USP4: variants seen among roughly 807,000 people sequenced by gnomAD.
The protein encoded by USP4 is ubiquitin specific peptidase 4.
USP4 carries 72 observed loss-of-function variants against 118.2 expected under a neutral mutation model. The ratio of observed to expected loss-of-function variants is 0.61; its 90% CI spans 0.50 to 0.74. The LOEUF is 0.74. Ranked by LOEUF, USP4 falls within the 30% of genes least tolerant of loss-of-function variation. USP4 has a pLI of 0.00. For synonymous variants in USP4, 415 were observed against 440.4 expected, an observed-to-expected ratio of 0.94 and a Z score of 0.72; for missense variants, 1,037 against 1,185.7, an observed-to-expected ratio of 0.87 and a Z score of 1.84.
intron 6 of USP4, chr3:49,318,768 G>T (rs1338814148): frequency 7.9e-6 from 2 of 252,820 alleles, no homozygotes; most frequent in African/African-American, 4.6e-5. Flanking sequence ...AAATTAGCCG[G>T]GCGTGGTGGC....
intron 1 of USP4, among the ~76,000 whole-genome samples, chr3:49,337,569 T>C (rs1436349024): frequency 2.6e-5 from 4 of 151,896 alleles, no homozygotes; most frequent in Non-Finnish European, 5.9e-5. Flanking sequence ...GCTGTGACTA[T>C]AGGCACATAC....
intron 19 of USP4, 42 bp downstream of exon 19, chr3:49,283,945 C>T (rs761575512): frequency 2.5e-6 from 4 of 1,604,704 alleles, no homozygotes; most frequent in Non-Finnish European, 2.6e-6. Flanking sequence ...GATTTTCTGC[C>T]TGTTTTTAAA....
At chr3:49,301,479 G>A (rs2047262324) in intron 10 of USP4, among the ~76,000 whole-genome samples, 1 of 152,102 alleles carries the variant, frequency 6.6e-6, no homozygotes, top group Non-Finnish European at 1.5e-5. Context: ...CCAGAGGTCA[G>A]GAGTTCAATA....
At chr3:49,293,121 T>C (rs980675149) in intron 14 of USP4, among the ~76,000 whole-genome samples, 1 of 151,976 alleles carries the variant, frequency 6.6e-6, no homozygotes, top group Non-Finnish European at 1.5e-5. Context: ...CTCACACCTG[T>C]AATGCCGGCA....
At chr3:49,321,164 G>C (rs182107172) in intron 6 of USP4, among the ~76,000 whole-genome samples, 61 of 152,248 alleles carry the variant, frequency 4.0e-4, no homozygotes, top group African/African-American at 1.4e-3. Context: ...TGCTTAATAC[G>C]CTAATTTGCA....
At position 49,277,327 on chromosome 3, in the gene USP4, C is replaced by G. The variant is rs1458099611; in HGVS notation, c.*966G>C. ...CCGGTTCCTTAAGGCCTTGCCCACA[C>G]GCAGCGGCTGGCCCCGCGGTGGGAG... On this transcript the variant is annotated 3_prime_UTR_variant, in exon 22 of 22. Transcript: ENST00000265560. 1 of 1,045,750 alleles carries G rather than the reference C, an allele frequency of 9.6e-7. No individual in the cohort carries two copies. The allele number at this position is 1,045,750 out of a possible 1,614,324, so 64.8% of individuals were successfully genotyped here. A position where few individuals can be genotyped will look rare whatever the true frequency, so the allele number is the denominator to read the frequency against.
intron 13 of USP4, among the ~76,000 whole-genome samples, chr3:49,295,714 G>GCGCGCGCGCACACACACACACACACA (rs149459963): frequency 2.1e-4 from 31 of 148,412 alleles, no homozygotes; most frequent in African/African-American, 7.5e-4. Context: ...GCGCGCGCGC[G>GCGCGCGCGCACACACACACACACACA]CACACACACA....
rs539176877 is a variant in USP4, at chr3:49,330,543, G to A, written c.230-2727C>T. The stretch of plus-strand genomic sequence containing the variant: ...AGACAGGGTTTCACCATGTTAGCCA[G>A]GATGGTCTCAATCTCCTGACCTCGT... On this transcript the variant is annotated intron_variant, in intron 2 of 21. Coordinates refer to ENST00000265560, the MANE Select transcript of USP4 (RefSeq NM_003363.4). Among the ~76,000 whole-genome samples, 155 of 151,818 alleles carry A rather than the reference G, an allele frequency of 1.0e-3. 1 individual carries two copies. The highest frequency in any genetic ancestry group is 1.9e-3 in the Non-Finnish European group (128 of 67,924).
At position 49,278,077 on chromosome 3, in the gene USP4, A is replaced by T; in HGVS notation, c.*216T>A. Reference sequence around the variant, plus strand: ...TTCACAGGTTTCACAGAAATTTCTCACCACCTGTTTAAAAATAAAAATAAT... The same window carrying T: ...TTCACAGGTTTCACAGAAATTTCTCTCCACCTGTTTAAAAATAAAAATAAT... On this transcript the variant is annotated 3_prime_UTR_variant, in exon 22 of 22. Coordinates refer to ENST00000265560, the MANE Select transcript of USP4 (RefSeq NM_003363.4). 1.8e-6 allele frequency: 1 copy of T among 557,072 alleles called. No homozygotes were observed. The highest frequency in any genetic ancestry group is 3.0e-6 in the Non-Finnish European group (1 of 338,954). The allele number at this position is 557,072 out of a possible 1,614,324, so 34.5% of individuals were successfully genotyped here.
chr3:49,302,545 A>C lies in USP4; in HGVS notation c.1129-3T>G, dbSNP rs758416644. Reference sequence around the variant, plus strand: ...GGAGCAAAACGTCCTACTTGAGTCTACAACAAAAGCAACTGTATCAGAAGG... The same window carrying C: ...GGAGCAAAACGTCCTACTTGAGTCTCCAACAAAAGCAACTGTATCAGAAGG... On this transcript the variant is annotated splice_polypyrimidine_tract_variant and splice_region_variant and intron_variant, in intron 9 of 21. Coordinates refer to ENST00000265560, the MANE Select transcript of USP4 (RefSeq NM_003363.4). 6.4e-5 allele frequency: 103 copies of C among 1,612,184 alleles called. No individual in the cohort carries two copies. The highest frequency in any genetic ancestry group is 8.5e-5 in the Non-Finnish European group (100 of 1,179,542).
rs780756316 is a variant in USP4, at chr3:49,305,873, C to CAGTG, written c.966_969dup (p.Ala324HisfsTer6). On this transcript the variant is annotated frameshift_variant, in exon 9 of 22. Transcript: ENST00000265560. LOFTEE classifies it high-confidence loss of function. ...TTGAGAAAGTAGTCAGTCAGTGGTG[C>CAGTG]AGTGTTGCTCAAACACTGAAACAGA... is the stretch of plus-strand genomic sequence containing the variant. 6 of 1,613,130 alleles carry CAGTG rather than the reference C, an allele frequency of 3.7e-6. No individual in the cohort carries two copies.
chr3:49,316,703 G>A (rs2047440359), intron 6 of USP4: 2 of 279,046 alleles, frequency 7.2e-6, no homozygotes, highest in East Asian at 7.4e-5. Flanking sequence ...ACAGGGGTGA[G>A]CCCTGAGGTT....
chr3:49,336,719 T>C (rs1053471258), intron 1 of USP4, among the ~76,000 whole-genome samples: 14 of 150,570 alleles, frequency 9.3e-5, no homozygotes, highest in Admixed American at 7.9e-4. Context: ...ACAGGGTTTC[T>C]CCATGTTGGT....
intron 6 of USP4, chr3:49,312,232 G>A (rs1027151947): frequency 4.8e-5 from 12 of 252,134 alleles, no homozygotes; most frequent in Non-Finnish European, 8.9e-5. Flanking sequence ...GCCGAGGCTG[G>A]CGGATCATGA....
chr3:49,316,189 C>T (rs766111937), intron 6 of USP4, among the ~76,000 whole-genome samples: 2 of 151,874 alleles, frequency 1.3e-5, no homozygotes, highest in Non-Finnish European at 1.5e-5. Context: ...GAAATGAGAG[C>T]GAGACTTCAT....
rs879748415 is a variant in USP4, at chr3:49,307,415, C to CA, written c.955-1528dup. On this transcript the variant is annotated intron_variant, in intron 8 of 21. Transcript: ENST00000265560. ...TGGGCAAGAGAGCAAGACTATGTCT[C>CA]AAAAAAAAAAAAAAAGTGAGAATGT... Among the ~76,000 whole-genome samples, 959 of 106,190 alleles carry CA rather than the reference C, an allele frequency of 9.0e-3. 3 individuals carry two copies. Among genetic ancestry groups the CA allele is most frequent in the African/African-American group, 0.013 (371 of 28,530 alleles). The allele number at this position is 106,190 out of a possible 152,430, so 69.7% of individuals were successfully genotyped here. A position where few individuals can be genotyped will look rare whatever the true frequency, so the allele number is the denominator to read the frequency against.
chr3:49,332,425 C>T (rs2047627615), intron 2 of USP4, among the ~76,000 whole-genome samples: 1 of 151,148 alleles, frequency 6.6e-6, no homozygotes, highest in Non-Finnish European at 1.5e-5. Flanking sequence ...ACACTACAGC[C>T]TGGGTGACAG....
intron 3 of USP4, 137 bp downstream of exon 3, chr3:49,327,549 G>C (rs2107800680): frequency 1.1e-6 from 1 of 878,742 alleles, no homozygotes; most frequent in East Asian, 2.8e-5. Context: ...AAAAAAAAAA[G>C]AGATCCAGAA....
chr3:49,335,692 G>T, intron 1 of USP4, 96 bp from the exon 2 acceptor site: 1 of 1,436,074 alleles, frequency 7.0e-7, no homozygotes. Context: ...TCCACTTGGG[G>T]CATATGCAAT....
Sources: allele counts gnomAD v4.1 joint callset (sites outside exome capture counted in the v4.1 genomes callset), GRCh38; gene constraint gnomAD v4.1.1; transcripts MANE v1.5; gene names NCBI Gene and HGNC (gene_info 2026-07-23, HGNC 2026-07-21).